Variants in ROR2 observed in about 807,000 individuals in gnomAD.
ROR2 encodes the protein ROR family WNT receptor 2, also known as tyrosine-protein kinase transmembrane receptor ROR2.
Under a neutral mutation model 74.9 loss-of-function variants are expected in ROR2, and 33 were observed. That is an observed-to-expected ratio of 0.44 (90% CI 0.33 to 0.59). ROR2 has a LOEUF of 0.59. Ranked by LOEUF, ROR2 falls within the 20% of genes least tolerant of loss-of-function variation. The pLI is 0.02. For synonymous variants in ROR2, 586 were observed against 558.7 expected (o/e 1.05, Z -0.69); for missense variants, 1,216 against 1,313.8 (o/e 0.93, Z 1.15).
chr9:91,937,985 T>G (rs1831747825), intron 1 of ROR2, among the ~76,000 whole-genome samples: 1 of 152,232 alleles, frequency 6.6e-6, no homozygotes, highest in African/African-American at 2.4e-5. Context: ...CCCGAAGTGC[T>G]GGGATTACAG....
chr9:91,858,300 C>A (rs12351363), intron 1 of ROR2, among the ~76,000 whole-genome samples: 2 of 152,220 alleles, frequency 1.3e-5, no homozygotes, highest in Non-Finnish European at 2.9e-5. Flanking sequence ...TGCATCCACA[C>A]GGGCATACAC....
chr9:91,924,650 A>G (rs1306982473), intron 1 of ROR2, among the ~76,000 whole-genome samples: 1 of 152,062 alleles, frequency 6.6e-6, no homozygotes, highest in African/African-American at 2.4e-5. Flanking sequence ...AAAACTAGCC[A>G]GGCGTGGTAG....
intron 1 of ROR2, among the ~76,000 whole-genome samples, chr9:91,885,624 C>T (rs1481045706): frequency 6.6e-6 from 1 of 152,110 alleles, no homozygotes; most frequent in Non-Finnish European, 1.5e-5. Context: ...AATGTAATTC[C>T]AAATAGAAAT....
chr9:91,916,628 C>T (rs888764648), intron 1 of ROR2, among the ~76,000 whole-genome samples: 2 of 152,094 alleles, frequency 1.3e-5, no homozygotes, highest in Non-Finnish European at 2.9e-5. Context: ...CGGTTTTTTC[C>T]TTATGGTAAT....
chr9:91,743,179 T>G (rs1825303786), intron 4 of ROR2, among the ~76,000 whole-genome samples: 1 of 152,180 alleles, frequency 6.6e-6, no homozygotes, highest in Non-Finnish European at 1.5e-5. Context: ...GAAAAAAATC[T>G]ATGAACTTGA....
intron 1 of ROR2, among the ~76,000 whole-genome samples, chr9:91,835,184 C>T (rs1367806628): frequency 2.0e-5 from 3 of 152,202 alleles, no homozygotes; most frequent in South Asian, 2.1e-4. Flanking sequence ...TGCCCCCTCA[C>T]CTCCAAGGGT....
intron 1 of ROR2, among the ~76,000 whole-genome samples, chr9:91,920,001 G>A (rs1487982550): frequency 6.6e-6 from 1 of 152,174 alleles, no homozygotes; most frequent in African/African-American, 2.4e-5. Flanking sequence ...AGGCTCCCTT[G>A]ACCCCCTCAG....
At chr9:91,751,327 C>T (rs974712382) in intron 4 of ROR2, among the ~76,000 whole-genome samples, 3 of 152,114 alleles carry the variant, frequency 2.0e-5, no homozygotes, top group Non-Finnish European at 4.4e-5. Context: ...TCCACATCAA[C>T]CTCCCAAAAA....
intron 1 of ROR2, among the ~76,000 whole-genome samples, chr9:91,840,884 T>C (rs191842949): frequency 3.3e-5 from 5 of 152,376 alleles, no homozygotes; most frequent in Admixed American, 6.5e-5. Flanking sequence ...AGCCATTTCA[T>C]TGCATGCATT....
chr9:91,846,419 C>T (rs1361501845), intron 1 of ROR2, among the ~76,000 whole-genome samples: 2 of 152,218 alleles, frequency 1.3e-5, no homozygotes, highest in Non-Finnish European at 1.5e-5. Context: ...CGGCCATCTA[C>T]AAGCCAAGAA....
chr9:91,752,775 C>T (rs1825632040), intron 4 of ROR2, among the ~76,000 whole-genome samples: 1 of 152,170 alleles, frequency 6.6e-6, no homozygotes, highest in Middle Eastern at 3.2e-3. Context: ...ACTGAACTCT[C>T]ATTAATGATA....
rs114799251 is a variant in ROR2, at chr9:91,903,533, T to C, written c.97+46334A>G. On this transcript the variant is annotated intron_variant, in intron 1 of 8. Coordinates refer to ENST00000375708, the MANE Select transcript of ROR2 (RefSeq NM_004560.4). ...ATTCCTACATCTCCAAATTCTTCCA[T>C]GGAGTATTTTCAAGGCAGACACTTC... 4.6e-3 allele frequency among the ~76,000 whole-genome samples: 698 copies of C among 152,026 alleles called. 4 individuals are homozygous for C. Among genetic ancestry groups the C allele is most frequent in the African/African-American group, 0.016 (664 of 41,438 alleles).
chr9:91,724,098 G>T lies in ROR2; in HGVS notation c.2396C>A (p.Pro799His). 6.2e-7 allele frequency: 1 copy of T among 1,611,304 alleles called. No homozygotes were observed. Residue 799 changes from proline (P) to histidine (H), a missense_variant, in exon 9 of 9, where the codon CCC becomes CAC. Pro to His is a moderately conservative substitution (Grantham distance 77). Coordinates refer to ENST00000375708, the MANE Select transcript of ROR2 (RefSeq NM_004560.4). ...PKQKAPPFPQ[P>H]QFIPMKGQIR... ...CTGGCCCTTCATGGGGATGAACTGG[G>T]GCTGTGGGAAGGGCGGGGCCTTCTG... is the stretch of plus-strand genomic sequence containing the variant.
intron 7 of ROR2, among the ~76,000 whole-genome samples, chr9:91,728,428 T>G (rs1231419098): frequency 8.1e-6 from 1 of 124,214 alleles, no homozygotes; most frequent in Non-Finnish European, 1.8e-5. Flanking sequence ...AGACAGAGTG[T>G]TTGTTTATTT....
intron 1 of ROR2, among the ~76,000 whole-genome samples, chr9:91,779,185 C>T (rs112786693): frequency 2.0e-5 from 3 of 152,194 alleles, no homozygotes; most frequent in African/African-American, 4.8e-5. Context: ...ATAGGGGAAA[C>T]TGGGTGTGGG....
At chr9:91,831,570 G>GT (rs1340044919) in intron 1 of ROR2, among the ~76,000 whole-genome samples, 10 of 152,104 alleles carry the variant, frequency 6.6e-5, no homozygotes, top group African/African-American at 2.4e-4. Context: ...AAGGTCAGGA[G>GT]TTTGAGACCA....
intron 1 of ROR2, among the ~76,000 whole-genome samples, chr9:91,941,854 G>A (rs1033349534): frequency 3.4e-5 from 5 of 148,912 alleles, no homozygotes; most frequent in Non-Finnish European, 7.4e-5. Context: ...GTAGTGGCAC[G>A]ATCTCGGCTC....
intron 1 of ROR2, among the ~76,000 whole-genome samples, chr9:91,846,724 C>T (rs919824559): frequency 1.3e-5 from 2 of 152,044 alleles, no homozygotes; most frequent in East Asian, 1.9e-4. Flanking sequence ...GCACCCTCTG[C>T]GGTGGTCCCT....
intron 4 of ROR2, among the ~76,000 whole-genome samples, chr9:91,748,855 T>C (rs1825515450): frequency 6.6e-6 from 1 of 152,054 alleles, no homozygotes; most frequent in Admixed American, 6.6e-5. Flanking sequence ...GGTGGAACCC[T>C]GTCTCTACTA....
Sources: allele counts gnomAD v4.1 joint callset (sites outside exome capture counted in the v4.1 genomes callset), GRCh38; gene constraint gnomAD v4.1.1; transcripts MANE v1.5; gene names NCBI Gene and HGNC (gene_info 2026-07-23, HGNC 2026-07-21).